The following FRMD5 variants were observed in gnomAD, a reference collection of about 807,000 sequenced individuals.
FRMD5 encodes the protein FERM domain-containing protein 5.
Under a neutral mutation model 69.0 loss-of-function variants are expected in FRMD5, and 20 were observed. The observed-to-expected ratio is 0.29, with a 90% CI of 0.20 to 0.42. The LOEUF (loss-of-function observed/expected upper bound fraction) is 0.42. Ranked by LOEUF, FRMD5 falls within the 10% of genes least tolerant of loss-of-function variation. FRMD5 has a pLI of 1.00. For missense variants in FRMD5, 595 were observed against 708.6 expected, an observed-to-expected ratio of 0.84 and a Z score of 1.82; for synonymous variants, 271 against 260.1, an observed-to-expected ratio of 1.04 and a Z score of -0.40.
intron 1 of FRMD5, among the ~76,000 whole-genome samples, chr15:43,945,695 T>C (rs576630195): frequency 6.6e-6 from 1 of 152,260 alleles, no homozygotes; most frequent in African/African-American, 2.4e-5. Flanking sequence ...TGTGAAGATT[T>C]CTTAGGCATA....
intron 1 of FRMD5, among the ~76,000 whole-genome samples, chr15:44,078,638 T>G (rs1893870751): frequency 6.6e-6 from 1 of 152,024 alleles, no homozygotes. Context: ...CTATGAGAAA[T>G]AAGCCAATGG....
intron 1 of FRMD5, among the ~76,000 whole-genome samples, chr15:44,010,070 T>A (rs1890644869): frequency 6.6e-6 from 1 of 152,218 alleles, no homozygotes. Flanking sequence ...ATGCTGGCCA[T>A]AAAGAATCAT....
intron 7 of FRMD5, among the ~76,000 whole-genome samples, chr15:43,896,765 G>T (rs1284108694): frequency 6.6e-6 from 1 of 152,188 alleles, no homozygotes; most frequent in Non-Finnish European, 1.5e-5. Flanking sequence ...GGGTCATACT[G>T]TGCCCTCTCT....
At chr15:44,154,791 T>C (rs2077501021) in intron 1 of FRMD5, among the ~76,000 whole-genome samples, 1 of 152,190 alleles carries the variant, frequency 6.6e-6, no homozygotes, top group Admixed American at 6.5e-5. Context: ...AGAGGTTACA[T>C]AGTGACAGCT....
intron 1 of FRMD5, among the ~76,000 whole-genome samples, chr15:43,991,599 AG>A (rs1166325117): frequency 1.3e-5 from 2 of 152,230 alleles, no homozygotes; most frequent in Non-Finnish European, 2.9e-5. Flanking sequence ...AGGCATTTAC[AG>A]GGAGGACAAA....
At chr15:44,145,099 C>T (rs963568566) in intron 1 of FRMD5, among the ~76,000 whole-genome samples, 1 of 152,170 alleles carries the variant, frequency 6.6e-6, no homozygotes, top group Non-Finnish European at 1.5e-5. Flanking sequence ...ATATAAACTA[C>T]AGCAGCCTAT....
At chr15:43,996,569 T>C (rs374452184) in intron 1 of FRMD5, among the ~76,000 whole-genome samples, 2 of 152,160 alleles carry the variant, frequency 1.3e-5, no homozygotes, top group African/African-American at 2.4e-5. Context: ...GTTGTTTACA[T>C]TGATATTTCT....
chr15:44,096,083 G>A (rs2076547504), intron 1 of FRMD5, among the ~76,000 whole-genome samples: 1 of 151,728 alleles, frequency 6.6e-6, no homozygotes, highest in African/African-American at 2.4e-5. Flanking sequence ...GTGCATGCCT[G>A]TAATCCAAGA....
chr15:43,992,775 G>A (rs1889747262), intron 1 of FRMD5, among the ~76,000 whole-genome samples: 1 of 152,058 alleles, frequency 6.6e-6, no homozygotes, highest in African/African-American at 2.4e-5. Context: ...CAATGGCATG[G>A]TCATTGCTCG....
intron 1 of FRMD5, among the ~76,000 whole-genome samples, chr15:44,113,975 T>C (rs575788007): frequency 6.6e-6 from 1 of 152,184 alleles, no homozygotes; most frequent in East Asian, 1.9e-4. Flanking sequence ...AAACTAAACA[T>C]GAATCTAGAA....
At chr15:44,083,317 T>C (rs1481922607) in intron 1 of FRMD5, among the ~76,000 whole-genome samples, 1 of 152,046 alleles carries the variant, frequency 6.6e-6, no homozygotes, top group Non-Finnish European at 1.5e-5. Context: ...AGAAAATTTA[T>C]TTGATAAACT....
At chr15:44,016,074 T>C (rs1433014852) in intron 1 of FRMD5, among the ~76,000 whole-genome samples, 1 of 152,166 alleles carries the variant, frequency 6.6e-6, no homozygotes, top group Non-Finnish European at 1.5e-5. Context: ...AGAAGCATTA[T>C]CTCTTGCTTC....
At chr15:43,976,520 G>A (rs2090464782) in intron 1 of FRMD5, among the ~76,000 whole-genome samples, 1 of 152,188 alleles carries the variant, frequency 6.6e-6, no homozygotes. Context: ...GATGGTGTTA[G>A]GAAGAGTTTT....
intron 1 of FRMD5, among the ~76,000 whole-genome samples, chr15:43,941,622 T>G (rs1206658944): frequency 6.6e-6 from 1 of 152,174 alleles, no homozygotes; most frequent in Non-Finnish European, 1.5e-5. Flanking sequence ...GGTGGGCACT[T>G]AAAAAATAAA....
At chr15:43,908,389 C>T (rs1035514666) in intron 5 of FRMD5, among the ~76,000 whole-genome samples, 2 of 151,584 alleles carry the variant, frequency 1.3e-5, no homozygotes, top group Admixed American at 1.3e-4. Context: ...ATGGACTCTC[C>T]ATGTAGGTGA....
intron 1 of FRMD5, among the ~76,000 whole-genome samples, chr15:44,097,288 T>C (rs1458833938): frequency 6.6e-6 from 1 of 152,230 alleles, no homozygotes; most frequent in Non-Finnish European, 1.5e-5. Context: ...TACCCTCACC[T>C]GTAGGAACAG....
At chr15:44,012,849 C>T (rs991504069) in intron 1 of FRMD5, among the ~76,000 whole-genome samples, 17 of 151,068 alleles carry the variant, frequency 1.1e-4, no homozygotes, top group Admixed American at 6.6e-5. Context: ...TCACTGCAAC[C>T]TCTGCTTCCC....
chr15:44,166,676 C>T (rs1041436460), intron 1 of FRMD5, among the ~76,000 whole-genome samples: 2 of 147,994 alleles, frequency 1.4e-5, no homozygotes, highest in South Asian at 2.1e-4. Context: ...CCCAGCTACT[C>T]GGGAGGCTGA....
intron 1 of FRMD5, among the ~76,000 whole-genome samples, chr15:44,056,611 T>C (rs779904067): frequency 2.6e-5 from 4 of 152,110 alleles, no homozygotes; most frequent in Non-Finnish European, 4.4e-5. Context: ...GTGTCAGCCA[T>C]AGCAGTGTGA....
Sources: allele counts gnomAD v4.1 joint callset (sites outside exome capture counted in the v4.1 genomes callset), GRCh38; gene constraint gnomAD v4.1.1; transcripts MANE v1.5; gene names NCBI Gene and HGNC (gene_info 2026-07-23, HGNC 2026-07-21).